CCDC3: variants seen among roughly 807,000 people sequenced by gnomAD.
The protein encoded by CCDC3 is coiled-coil domain-containing protein 3.
A neutral mutation model predicts 21.4 loss-of-function variants in CCDC3; 24 were observed. The ratio of observed to expected loss-of-function variants is 1.12; its 90% CI spans 0.81 to 1.58. The LOEUF (loss-of-function observed/expected upper bound fraction) is 1.58, where lower values mean the gene tolerates loss of function less well. CCDC3 is among the 40% of genes most tolerant of loss of function. The pLI is 0.00. For missense variants in CCDC3, 425 were observed against 360.9 expected, an observed-to-expected ratio of 1.18 and a Z score of -1.44; for synonymous variants, 186 against 166.0, an observed-to-expected ratio of 1.12 and a Z score of -0.93.
At chr10:13,014,458 GA>G (rs59613788) in intron 5 of CCDC3, among the ~76,000 whole-genome samples, 4 of 78,358 alleles carry the variant, frequency 5.1e-5, no homozygotes, top group East Asian at 6.1e-4. Flanking sequence ...TCAAAAAAAA[GA>G]AAAAAAAAAA....
chr10:13,021,309 A>T (rs1233847620), intron 5 of CCDC3, among the ~76,000 whole-genome samples: 1 of 152,210 alleles, frequency 6.6e-6, no homozygotes, highest in Non-Finnish European at 1.5e-5. Context: ...ATCACAGCTT[A>T]ATCTTGCTGT....
At chr10:13,056,763 G>A (rs926275410) in intron 4 of CCDC3, among the ~76,000 whole-genome samples, 3 of 152,148 alleles carry the variant, frequency 2.0e-5, no homozygotes, top group African/African-American at 4.8e-5. Context: ...AATTTTCATC[G>A]GTTTGGTAAC....
At chr10:13,012,497 G>A (rs181341336) in intron 5 of CCDC3, among the ~76,000 whole-genome samples, 8 of 152,042 alleles carry the variant, frequency 5.3e-5, no homozygotes, top group East Asian at 1.9e-4. Context: ...ATACCATCTC[G>A]CACGAGTCTG....
At chr10:12,922,886 C>T (rs1415156897) in intron 2 of CCDC3, among the ~76,000 whole-genome samples, 2 of 152,140 alleles carry the variant, frequency 1.3e-5, no homozygotes, top group Non-Finnish European at 2.9e-5. Context: ...AGAAGAGGAG[C>T]CCGGAGCCTT....
chr10:12,987,032 CTCCCAGTGTGGG>C (rs1187769542), intron 2 of CCDC3, among the ~76,000 whole-genome samples: 4 of 152,164 alleles, frequency 2.6e-5, no homozygotes, highest in Middle Eastern at 3.2e-3. Flanking sequence ...AAGCCAGGAA[CTCCCAGTGTGGG>C]TCCACTGACC....
chr10:12,934,592 G>T (rs1208063160), intron 2 of CCDC3, among the ~76,000 whole-genome samples: 1 of 152,100 alleles, frequency 6.6e-6, no homozygotes, highest in African/African-American at 2.4e-5. Flanking sequence ...TTTCCTTGCA[G>T]TTCTATCAGT....
At chr10:13,003,962 T>C (rs1019149851), upstream of CCDC3, among the ~76,000 whole-genome samples, 2 of 152,216 alleles carry the variant, frequency 1.3e-5, no homozygotes, top group Non-Finnish European at 2.9e-5. Context: ...CCTCACTGAT[T>C]GGGTTTCTCT....
At chr10:12,988,481 T>C (rs762210168) in intron 2 of CCDC3, among the ~76,000 whole-genome samples, 14 of 152,058 alleles carry the variant, frequency 9.2e-5, no homozygotes, top group Non-Finnish European at 2.1e-4. Context: ...GTAGCTGGGA[T>C]TATAGGTATG....
At chr10:12,955,906 C>A (rs1435331260) in intron 2 of CCDC3, among the ~76,000 whole-genome samples, 2 of 152,122 alleles carry the variant, frequency 1.3e-5, no homozygotes. Flanking sequence ...ATGGGTTTCA[C>A]CATGTTGGCA....
chr10:12,996,099 G>GA (rs1410837179), intron 2 of CCDC3, among the ~76,000 whole-genome samples: 2 of 152,210 alleles, frequency 1.3e-5, no homozygotes. Context: ...TCGCTTGGAA[G>GA]AAATTAAGTA....
chr10:13,098,089 G>A (rs1832652541), intron 3 of CCDC3, among the ~76,000 whole-genome samples: 1 of 152,084 alleles, frequency 6.6e-6, no homozygotes, highest in South Asian at 2.1e-4. Flanking sequence ...GTTGTCGGGG[G>A]AGTGTGTGTG....
chr10:12,967,619 A>G (rs1835280343), intron 2 of CCDC3, among the ~76,000 whole-genome samples: 1 of 152,202 alleles, frequency 6.6e-6, no homozygotes, highest in Non-Finnish European at 1.5e-5. Flanking sequence ...TGCAGCCAGC[A>G]AAGAAAGGAA....
At chr10:13,043,057 C>T (rs1344531368) in intron 5 of CCDC3, among the ~76,000 whole-genome samples, 1 of 151,604 alleles carries the variant, frequency 6.6e-6, no homozygotes, top group East Asian at 1.9e-4. Context: ...AAAAGGAAAA[C>T]TTTTAAAAAA....
At chr10:13,089,015 A>AT (rs1198786827) in intron 3 of CCDC3, among the ~76,000 whole-genome samples, 5 of 151,762 alleles carry the variant, frequency 3.3e-5, no homozygotes, top group South Asian at 2.1e-4. Context: ...CTCAAAAAAA[A>AT]AAAAAAATAA....
chr10:13,058,197 C>CA, intron 4 of CCDC3: 1 of 1,210,864 alleles, frequency 8.3e-7, no homozygotes, highest in Non-Finnish European at 1.2e-6. Flanking sequence ...TTCAGGGTGC[C>CA]AAAAACTTGA....
At chr10:13,097,652 A>T (rs1832645316) in intron 3 of CCDC3, among the ~76,000 whole-genome samples, 1 of 152,196 alleles carries the variant, frequency 6.6e-6, no homozygotes, top group East Asian at 1.9e-4. Context: ...CAAACCCAGG[A>T]GGTGGAGATT....
Position 12,998,417 on chromosome 10 carries a change from A to T in CCDC3, c.470T>A (p.Leu157His), listed in dbSNP as rs1488672967. The change falls in exon 2 of 3, where the codon CTT (leucine) becomes CAT (histidine). Residue 157 changes from leucine (L) to histidine (H), a missense_variant. Coordinates refer to ENST00000378825, the MANE Select transcript of CCDC3 (RefSeq NM_031455.4). The part of the protein sequence containing the change: ...TQENRRMFSS[L>H]FQFSNCSQGQ... The stretch of plus-strand genomic sequence containing the variant: ...TTGCGAACAGTTTGAAAACTGGAAA[A>T]GGCTAGAAAACATCCTTCTGTTCTC... 3 of 1,614,186 alleles carry T rather than the reference A, an allele frequency of 1.9e-6. No individual in the cohort carries two copies. The East Asian group carries it at 6.7e-5, about 36-fold the overall frequency.
rs549327113 is a variant in CCDC3, at chr10:13,009,150, T to A, written c.-1-10638A>T. Among the ~76,000 whole-genome samples, 415 of 152,288 alleles carry A rather than the reference T, an allele frequency of 2.7e-3. 2 individuals are homozygous for A. The highest frequency in any genetic ancestry group is 9.6e-3 in the African/African-American group (398 of 41,568). ...AACAACAATTGGAAATTGACATTTTTAAAAATAATACCATTCACAATGGCA... is the reference window on the plus strand; with the variant it reads ...AACAACAATTGGAAATTGACATTTTAAAAAATAATACCATTCACAATGGCA... On this transcript the variant is annotated intron_variant, in intron 5 of 6. Coordinates refer to the CCDC3 transcript ENST00000378839.
At chr10:12,943,629 G>C (rs1449566564) in intron 2 of CCDC3, among the ~76,000 whole-genome samples, 2 of 151,490 alleles carry the variant, frequency 1.3e-5, no homozygotes, top group African/African-American at 2.4e-5. Context: ...AACCCCATCT[G>C]CATAACAACA....
Sources: gnomAD v4.1 joint callset for allele counts (sites outside exome capture counted in the v4.1 genomes callset) on GRCh38, gnomAD v4.1.1 for gene constraint, MANE v1.5 for transcripts, NCBI Gene and HGNC (gene_info 2026-07-23, HGNC 2026-07-21) for gene names.